EIF4E1B: variants seen among roughly 807,000 people sequenced by gnomAD.
The protein encoded by EIF4E1B is eukaryotic translation initiation factor 4E family member 1B.
In EIF4E1B, 22 loss-of-function variants were observed where a neutral mutation model predicts 31.3. The observed-to-expected ratio is 0.70, with a 90% confidence interval of 0.50 to 1.00. The LOEUF (loss-of-function observed/expected upper bound fraction) is 1.00. Ranked by LOEUF, EIF4E1B falls within the 50% of genes least tolerant of loss-of-function variation. The pLI is 0.00. For synonymous variants in EIF4E1B, 126 were observed against 120.2 expected, an observed-to-expected ratio of 1.05 and a Z score of -0.31; for missense variants, 290 against 311.6, an observed-to-expected ratio of 0.93 and a Z score of 0.52.
In EIF4E1B at chr5:176,643,720, G is replaced by A. The variant is rs547594222; in HGVS notation, c.282G>A (p.Val94=). Residue 94 remains valine (V), a synonymous_variant, in exon 5 of 9, where the codon GTG becomes GTA. Transcript: ENST00000318682. ...NLHLVTKVDT[V]EDFWALYSHI... ...ACCTGGTCACCAAGGTGGACACTGT[G>A]GAGGACTTCTGGGCGTGAGTGTCTG... is the stretch of plus-strand genomic sequence containing the variant. 36 of 1,612,990 alleles carry A rather than the reference G, an allele frequency of 2.2e-5. No homozygotes were observed. In the African/African-American group the frequency reaches 4.3e-4, roughly 19 times the overall value.
chr5:176,646,124 A>T lies in EIF4E1B; in HGVS notation c.*144A>T. On this transcript the variant is annotated 3_prime_UTR_variant, in exon 9 of 9. Coordinates refer to ENST00000318682, the MANE Select transcript of EIF4E1B (RefSeq NM_001099408.2). ...AGGAATGCAAACACTCTTTAACATG[A>T]GTTGGGGCCTGAGCCTTAGGGGCTA... The T allele has an allele frequency of 8.7e-6, 6 of 691,576 alleles. No homozygotes were observed. The highest frequency in any genetic ancestry group is 2.8e-5 in the Admixed American group (1 of 36,012). 42.8% of individuals were successfully genotyped at this position (691,576 alleles called of 1,614,324 possible).
At chr5:176,644,315 C>G in intron 5 of EIF4E1B, 61 bp from the exon 6 acceptor site, 2 of 1,526,952 alleles carry the variant, frequency 1.3e-6, no homozygotes, top group Non-Finnish European at 1.8e-6. Flanking sequence ...GGGCTGAACC[C>G]AGTTGGAACC....
At position 176,645,129 on chromosome 5, in the gene EIF4E1B, G is replaced by T. The variant is rs866684812; in HGVS notation, c.361-1G>T. On this transcript the variant is annotated splice_acceptor_variant, in intron 6 of 8. Transcript: ENST00000318682. LOFTEE classifies it high-confidence loss of function. The surrounding 1 kb of genome is among the most constrained non-coding windows in gnomAD (Gnocchi z 5.4). Reference sequence around the variant, plus strand: ...CAGTTGACTTGCCATCTGCCTTGCAGGATGGCATCCAGCCCATGTGGGAGG... The same window carrying T: ...CAGTTGACTTGCCATCTGCCTTGCATGATGGCATCCAGCCCATGTGGGAGG... 1 of 1,558,668 alleles carries T rather than the reference G, an allele frequency of 6.4e-7. No homozygotes were observed.
In EIF4E1B at chr5:176,643,891, C is replaced by G. The variant is rs1345867390; in HGVS notation, c.296+157C>G. 26 of 686,648 alleles carry G rather than the reference C, an allele frequency of 3.8e-5. No homozygotes were observed. The East Asian group carries it at 6.9e-4, about 18-fold the overall frequency. The allele number at this position is 686,648 out of a possible 1,614,324, so 42.5% of individuals were successfully genotyped here. ...GGGGGTATAGGGCACAACCACCCCC[C>G]ACCCCACCACCTTCTTTGGGCTCAG... On this transcript the variant is annotated intron_variant, in intron 5 of 8. Transcript: ENST00000318682.
At chr5:176,644,634 G>A in intron 6 of EIF4E1B, 195 bp downstream of exon 6, 1 of 596,226 alleles carries the variant, frequency 1.7e-6, no homozygotes, top group Non-Finnish European at 2.8e-6. Flanking sequence ...CCGCACCTTG[G>A]AGGACCTTAA....
Position 176,645,931 on chromosome 5 carries a change from A to G in EIF4E1B, c.680A>G (p.Asp227Gly). ...KTIIGYQAHADTATKSNSLAK... is the reference protein window; with the variant it reads ...KTIIGYQAHAGTATKSNSLAK... Reference sequence around the variant, plus strand: ...ATCATTGGGTACCAGGCCCATGCAGACACAGCCACCAAGAGCAACTCCCTA... The same window carrying G: ...ATCATTGGGTACCAGGCCCATGCAGGCACAGCCACCAAGAGCAACTCCCTA... The change falls in exon 9 of 9, where the codon GAC becomes GGC. Residue 227 changes from aspartate to glycine, a missense_variant. Transcript: ENST00000318682. This position sits in a 1 kb window ranked among gnomAD's most constrained non-coding sequence, Gnocchi z 5.4. 6.2e-7 allele frequency: 1 copy of G among 1,610,552 alleles called. No homozygotes were observed. The highest frequency in any genetic ancestry group is 8.5e-7 in the Non-Finnish European group (1 of 1,178,464).
At chr5:176,634,134 AGGG>A (rs1378068675) in intron 1 of EIF4E1B, among the ~76,000 whole-genome samples, 1 of 143,166 alleles carries the variant, frequency 7.0e-6, no homozygotes, top group Non-Finnish European at 1.5e-5. Flanking sequence ...ATAGGCATTG[AGGG>A]GGTGGAGCAG....
chr5:176,642,963 T>C lies in EIF4E1B; in HGVS notation c.16-119T>C, dbSNP rs562726741. The C allele has an allele frequency of 3.4e-6, 5 of 1,471,052 alleles. No homozygotes were observed. In the Admixed American group the frequency reaches 1.1e-4, roughly 32 times the overall value. 91.1% of individuals were successfully genotyped at this position (1,471,052 alleles called of 1,614,324 possible). Reference sequence around the variant, plus strand: ...CCATGGAGTTTGAGCTGGGCATGGCTACTGAAGGCCTTGTGAGTCCCCTGC... The same window carrying C: ...CCATGGAGTTTGAGCTGGGCATGGCCACTGAAGGCCTTGTGAGTCCCCTGC... On this transcript the variant is annotated intron_variant, in intron 3 of 8. Coordinates refer to ENST00000318682, the MANE Select transcript of EIF4E1B (RefSeq NM_001099408.2).
Position 176,638,012 on chromosome 5 carries a change from T to C in EIF4E1B, c.-201-4031T>C, listed in dbSNP as rs1252016014. ...ACTGGTCATGGCATGTGCTAACAGG[T>C]GAGAAGGACAGAGCCCCAGGACCAT... On this transcript the variant is annotated intron_variant, in intron 1 of 8. Transcript: ENST00000318682. The surrounding 1 kb of genome is among the most constrained non-coding windows in gnomAD (Gnocchi z 4.3). Among the ~76,000 whole-genome samples the C allele has an allele frequency of 6.6e-6, 1 of 151,900 alleles. No homozygotes were observed. The highest frequency in any genetic ancestry group is 2.4e-5 in the African/African-American group (1 of 41,308).
intron 1 of EIF4E1B, among the ~76,000 whole-genome samples, chr5:176,639,674 T>C (rs943131411): frequency 4.6e-5 from 7 of 152,094 alleles, no homozygotes; most frequent in African/African-American, 1.7e-4. Context: ...CCCAACACTT[T>C]GGGAAGCAAA....
chr5:176,635,271 T>C (rs1057268364), intron 1 of EIF4E1B, among the ~76,000 whole-genome samples: 2 of 151,772 alleles, frequency 1.3e-5, no homozygotes, highest in Non-Finnish European at 2.9e-5. Context: ...AGATAAATGC[T>C]AGAGGGAGGC....
At chr5:176,631,218 GAGAGTGC>G (rs1760373949) in intron 1 of EIF4E1B, among the ~76,000 whole-genome samples, 154 bp downstream of exon 1, 1 of 152,210 alleles carries the variant, frequency 6.6e-6, no homozygotes, top group Non-Finnish European at 1.5e-5. Context: ...AAGATCCATA[GAGAGTGC>G]AAGTGCAAAG....
rs941910412 is a variant in EIF4E1B, at chr5:176,646,227, T to C, written c.*247T>C. 1.1e-5 allele frequency: 5 copies of C among 446,592 alleles called. No individual in the cohort carries two copies. The highest frequency in any genetic ancestry group is 2.0e-5 in the Non-Finnish European group (5 of 244,630). The allele number at this position is 446,592 out of a possible 1,614,324, so 27.7% of individuals were successfully genotyped here. A position where few individuals can be genotyped will look rare whatever the true frequency, so the allele number is the denominator to read the frequency against. On this transcript the variant is annotated 3_prime_UTR_variant, in exon 9 of 9. Transcript: ENST00000318682. ...ACAGCAGCAGGGTGGAAAAAACTCC[T>C]GAGGGTGGGGTGAGTCATGGCGGGG...
chr5:176,632,470 G>C (rs1328658452), intron 1 of EIF4E1B, among the ~76,000 whole-genome samples: 1 of 152,190 alleles, frequency 6.6e-6, no homozygotes, highest in Non-Finnish European at 1.5e-5. Context: ...TGGCCAGGCT[G>C]GTCTCGAACT....
intron 1 of EIF4E1B, among the ~76,000 whole-genome samples, chr5:176,635,471 T>C (rs2113439136): frequency 6.6e-6 from 1 of 152,172 alleles, no homozygotes; most frequent in East Asian, 1.9e-4. Flanking sequence ...CAGCAAGGGA[T>C]CTAGCAGGTG....
At position 176,645,499 on chromosome 5, in the gene EIF4E1B, G is replaced by C; in HGVS notation, c.597G>C (p.Ala199=). ...AVWTREAENQ[A]GVLHVGRVYK... ...GGACGAGGGAGGCGGAAAACCAGGCGGGCGTGCTGCACGTTGGGTGAGGAG... is the reference window on the plus strand; with the variant it reads ...GGACGAGGGAGGCGGAAAACCAGGCCGGCGTGCTGCACGTTGGGTGAGGAG... Residue 199 remains alanine (A), a synonymous_variant, in exon 8 of 9, where the codon GCG becomes GCC. Transcript: ENST00000318682. The surrounding 1 kb of genome is among the most constrained non-coding windows in gnomAD (Gnocchi z 5.4). 1 of 1,518,156 alleles carries C rather than the reference G, an allele frequency of 6.6e-7. No individual in the cohort carries two copies. Among genetic ancestry groups the C allele is most frequent in the South Asian group, 1.3e-5 (1 of 74,694 alleles). 94.0% of individuals were successfully genotyped at this position (1,518,156 alleles called of 1,614,324 possible).
intron 1 of EIF4E1B, among the ~76,000 whole-genome samples, chr5:176,636,032 GT>G (rs1298398672): frequency 6.6e-6 from 1 of 152,136 alleles, no homozygotes; most frequent in Non-Finnish European, 1.5e-5. Context: ...GGCTAGGCTG[GT>G]CTCGAACTCC....
rs1222540902 is a variant in EIF4E1B, at chr5:176,634,565, T to G, written c.-202+3501T>G. ...AGGAAGTTATGTGTTTTGAGTATTA[T>G]CTATGTTTTTTAAACATAATGTAAC... On this transcript the variant is annotated intron_variant, in intron 1 of 8. Coordinates refer to ENST00000318682, the MANE Select transcript of EIF4E1B (RefSeq NM_001099408.2). Among the ~76,000 whole-genome samples, 3 of 152,168 alleles carry G rather than the reference T, an allele frequency of 2.0e-5. No individual in the cohort carries two copies. In the East Asian group the frequency reaches 5.8e-4, roughly 29 times the overall value.
At chr5:176,632,844 C>A (rs184533858) in intron 1 of EIF4E1B, among the ~76,000 whole-genome samples, 18 of 152,292 alleles carry the variant, frequency 1.2e-4, no homozygotes, top group Non-Finnish European at 2.1e-4. Flanking sequence ...GATGACTATG[C>A]CAGATAATTG....
Sources: gnomAD v4.1 joint callset for allele counts (sites outside exome capture counted in the v4.1 genomes callset) on GRCh38, gnomAD v4.1.1 for gene constraint, Gnocchi (gnomAD v3.1) non-coding constraint, MANE v1.5 for transcripts, NCBI Gene and HGNC (gene_info 2026-07-23, HGNC 2026-07-21) for gene names.